LRP1B: variants seen among roughly 807,000 people sequenced by gnomAD.
LRP1B encodes low-density lipoprotein receptor-related protein 1B.
LRP1B carries 217 observed loss-of-function variants against 556.6 expected under a neutral mutation model. That is an observed-to-expected ratio of 0.39 (90% CI 0.35 to 0.44). The LOEUF is 0.44. LRP1B is among the 20% of genes least tolerant of loss of function. The pLI is 1.00. For missense variants in LRP1B, 5,053 were observed against 5,620.8 expected (o/e 0.90, Z 3.23); for synonymous variants, 2,047 against 1,865.8 (o/e 1.10, Z -2.50).
chr2:140,909,830 A>C (rs1694363593), intron 21 of LRP1B, among the ~76,000 whole-genome samples: 1 of 151,148 alleles, frequency 6.6e-6, no homozygotes, highest in Non-Finnish European at 1.5e-5. Flanking sequence ...TAGAGAGCAT[A>C]TACTAGAAGA....
chr2:141,607,168 AAC>A (rs1270993341), intron 2 of LRP1B, among the ~76,000 whole-genome samples: 19 of 149,098 alleles, frequency 1.3e-4, no homozygotes, highest in Non-Finnish European at 2.5e-4. Context: ...AAAAAAAAAA[AAC>A]AATTAATAGA....
intron 2 of LRP1B, among the ~76,000 whole-genome samples, chr2:141,644,891 A>C (rs1689495719): frequency 6.6e-6 from 1 of 152,032 alleles, no homozygotes; most frequent in African/African-American, 2.4e-5. Flanking sequence ...CACCCAGCAC[A>C]ATTATTTAGC....
chr2:141,836,700 TA>T (rs1227395460), intron 1 of LRP1B, among the ~76,000 whole-genome samples: 4 of 152,016 alleles, frequency 2.6e-5, no homozygotes, highest in African/African-American at 9.7e-5. Context: ...GCTGCTATCT[TA>T]ATTGCAATAT....
intron 66 of LRP1B, among the ~76,000 whole-genome samples, chr2:140,410,998 A>AT (rs555422097): frequency 6.6e-6 from 1 of 152,228 alleles, no homozygotes; most frequent in South Asian, 2.1e-4. Flanking sequence ...CAAGTCACTA[A>AT]TACATGTACC....
chr2:141,036,892 G>T (rs566416964), intron 11 of LRP1B, among the ~76,000 whole-genome samples: 1 of 152,076 alleles, frequency 6.6e-6, no homozygotes, highest in East Asian at 1.9e-4. Context: ...TGGGGATGGG[G>T]CAGAAAATTA....
chr2:140,321,843 C>T, intron 82 of LRP1B, 120 bp downstream of exon 82: 1 of 929,244 alleles, frequency 1.1e-6, no homozygotes, highest in Non-Finnish European at 1.6e-6. Context: ...CATTCAAGAA[C>T]CACTGCTATC....
chr2:141,577,696 G>A (rs891092476), intron 2 of LRP1B, among the ~76,000 whole-genome samples: 1 of 152,048 alleles, frequency 6.6e-6, no homozygotes, highest in African/African-American at 2.4e-5. Flanking sequence ...ATTACCTCTC[G>A]CAGATCATAG....
intron 60 of LRP1B, among the ~76,000 whole-genome samples, chr2:140,466,695 C>G (rs1348334534): frequency 6.6e-6 from 1 of 152,078 alleles, no homozygotes; most frequent in African/African-American, 2.4e-5. Flanking sequence ...ACATAACCAA[C>G]TGACTTAACA....
intron 17 of LRP1B, among the ~76,000 whole-genome samples, chr2:140,983,223 C>T (rs761944110): frequency 1.3e-5 from 2 of 151,814 alleles, no homozygotes; most frequent in African/African-American, 4.8e-5. Context: ...CTTTATGAGT[C>T]TCGATATCCC....
chr2:141,490,930 GTTTTTTTT>G (rs67482957), intron 2 of LRP1B, among the ~76,000 whole-genome samples: 274 of 135,722 alleles, frequency 2.0e-3, no homozygotes, highest in African/African-American at 2.5e-3. Flanking sequence ...AGGTTAAAAT[GTTTTTTTT>G]TTTTTTTTTT....
At chr2:140,387,772 A>G (rs951619909) in intron 66 of LRP1B, among the ~76,000 whole-genome samples, 5 of 152,152 alleles carry the variant, frequency 3.3e-5, no homozygotes, top group Non-Finnish European at 7.4e-5. Flanking sequence ...CACCTCAGTC[A>G]ATCAGGAAAT....
intron 25 of LRP1B, among the ~76,000 whole-genome samples, chr2:140,873,427 CT>C (rs1447611359): frequency 4.6e-5 from 7 of 152,018 alleles, no homozygotes; most frequent in African/African-American, 1.7e-4. Context: ...ATGTAATTGT[CT>C]TTGTTTCAAA....
At chr2:140,451,055 CCT>C (rs1205264476) in intron 62 of LRP1B, among the ~76,000 whole-genome samples, 1 of 152,192 alleles carries the variant, frequency 6.6e-6, no homozygotes, top group Non-Finnish European at 1.5e-5. Context: ...GATTCTCCCA[CCT>C]CAGCCTCCAG....
rs1205240917 is a variant in LRP1B, at chr2:140,804,411, GT to G, written c.5359+9245del. ...ATGATGTCTGTATGCTAATTTTACT[GT>G]TTTTTATTGTATGTATTTTTTAAAT... On this transcript the variant is annotated intron_variant, in intron 32 of 90. Transcript: ENST00000389484. 4.6e-5 allele frequency among the ~76,000 whole-genome samples: 7 copies of G among 151,948 alleles called. No homozygotes were observed. In the South Asian group the frequency reaches 1.0e-3, roughly 23 times the overall value.
Position 141,232,086 on chromosome 2 carries a change from T to A in LRP1B, c.593-2646A>T, listed in dbSNP as rs572322555. Among the ~76,000 whole-genome samples the A allele has an allele frequency of 2.0e-5, 3 of 152,314 alleles. No homozygotes were observed. The South Asian group carries it at 6.2e-4, about 32-fold the overall frequency. On this transcript the variant is annotated intron_variant, in intron 5 of 90. Transcript: ENST00000389484. ...TCAATTGACCACATCTGAGCCTGGTTAGCTAGTCAGTTTCTCTCCTAACCT... is the reference window on the plus strand; with the variant it reads ...TCAATTGACCACATCTGAGCCTGGTAAGCTAGTCAGTTTCTCTCCTAACCT...
intron 1 of LRP1B, among the ~76,000 whole-genome samples, chr2:142,075,554 G>A (rs569476958): frequency 5.9e-5 from 9 of 152,166 alleles, no homozygotes; most frequent in East Asian, 3.9e-4. Context: ...ACAGGGTCAC[G>A]TACATGAGGC....
At chr2:140,269,432 C>A in intron 86 of LRP1B, 2 of 459,436 alleles carry the variant, frequency 4.4e-6, no homozygotes, top group South Asian at 3.2e-5. Flanking sequence ...ACTTGTTTTG[C>A]CAAATATGTT....
chr2:141,044,248 A>G (rs1156915635), intron 11 of LRP1B, among the ~76,000 whole-genome samples: 1 of 151,602 alleles, frequency 6.6e-6, no homozygotes, highest in African/African-American at 2.4e-5. Context: ...TCCCTTCCTT[A>G]CACCTTATAC....
At chr2:140,388,521 T>A (rs1683866197) in intron 66 of LRP1B, among the ~76,000 whole-genome samples, 1 of 152,178 alleles carries the variant, frequency 6.6e-6, no homozygotes, top group Non-Finnish European at 1.5e-5. Flanking sequence ...CAAAAACAAG[T>A]TAGAGTTCAT....
Sources: allele counts gnomAD v4.1 joint callset (sites outside exome capture counted in the v4.1 genomes callset), GRCh38; gene constraint gnomAD v4.1.1; transcripts MANE v1.5; gene names NCBI Gene and HGNC (gene_info 2026-07-23, HGNC 2026-07-21).